Variants in NMD3 observed in about 807,000 individuals in gnomAD.
The protein encoded by NMD3 is NMD3 ribosome export adaptor, also known as 60S ribosomal export protein NMD3.
NMD3 carries 47 observed loss-of-function variants against 73.1 expected under a neutral mutation model. The ratio of observed to expected loss-of-function variants is 0.64; its 90% CI spans 0.51 to 0.82. The LOEUF (loss-of-function observed/expected upper bound fraction) is 0.82. NMD3 is among the 40% of genes least tolerant of loss of function. The pLI is 0.00. For missense variants in NMD3, 554 were observed against 612.5 expected (o/e 0.90, Z 1.01); for synonymous variants, 210 against 194.5 (o/e 1.08, Z -0.66).
intron 14 of NMD3, 58 bp from the exon 15 acceptor site, chr3:161,250,198 A>C: frequency 2.1e-6 from 2 of 974,608 alleles, no homozygotes; most frequent in Non-Finnish European, 3.2e-6. Flanking sequence ...GAAAGTCCTT[A>C]AATGAAGAAA....
At chr3:161,226,785 A>G (rs904319193) in intron 3 of NMD3, among the ~76,000 whole-genome samples, 1 of 152,212 alleles carries the variant, frequency 6.6e-6, no homozygotes, top group African/African-American at 2.4e-5. Flanking sequence ...TTTGAAAAGG[A>G]CTTGAAATGT....
At chr3:161,233,637 A>G (rs1485278185) in intron 5 of NMD3, among the ~76,000 whole-genome samples, 158 bp downstream of exon 5, 1 of 152,226 alleles carries the variant, frequency 6.6e-6, no homozygotes, top group Non-Finnish European at 1.5e-5. Flanking sequence ...AAATAATTAG[A>G]TCACTAGTAA....
intron 11 of NMD3, among the ~76,000 whole-genome samples, chr3:161,243,382 A>G (rs1449485190): frequency 6.6e-6 from 1 of 152,218 alleles, no homozygotes; most frequent in East Asian, 1.9e-4. Context: ...CTGTGGGCAG[A>G]TGAAAACTTT....
intron 4 of NMD3, among the ~76,000 whole-genome samples, chr3:161,230,507 G>A (rs1211998260): frequency 6.6e-6 from 1 of 152,172 alleles, no homozygotes; most frequent in Admixed American, 6.5e-5. Flanking sequence ...AGTACGGAGG[G>A]AAATTTTTGT....
intron 9 of NMD3, among the ~76,000 whole-genome samples, chr3:161,240,138 A>G (rs958689591): frequency 2.0e-5 from 3 of 152,248 alleles, no homozygotes; most frequent in African/African-American, 7.2e-5. Flanking sequence ...ATTAAAAACC[A>G]AGGACTGAAC....
intron 13 of NMD3, among the ~76,000 whole-genome samples, chr3:161,247,644 C>T (rs564103630): frequency 3.6e-4 from 55 of 151,726 alleles, no homozygotes; most frequent in African/African-American, 1.3e-3. Flanking sequence ...AAAAAATTAG[C>T]CAGGCGTGGT....
Position 161,250,881 on chromosome 3 carries a change from G to T in NMD3, c.1483G>T (p.Gly495Cys). ...EDLHISQDAT[G>C]EEGASMLT ...CCTTCATATTTCCCAAGATGCCACT[G>T]GTGAAGAAGGTGCATCAATGCTGAC... The change falls in exon 16 of 16, where the codon GGT becomes TGT. Residue 495 changes from glycine to cysteine, a missense_variant. Physicochemically the swap from Gly to Cys is radical, Grantham distance 159. Coordinates refer to ENST00000351193, the MANE Select transcript of NMD3 (RefSeq NM_015938.5). 2 of 1,612,120 alleles carry T rather than the reference G, an allele frequency of 1.2e-6. No homozygotes were observed. The highest frequency in any genetic ancestry group is 1.7e-6 in the Non-Finnish European group (2 of 1,178,572).
intron 4 of NMD3, among the ~76,000 whole-genome samples, chr3:161,230,022 G>T (rs1239024451): frequency 1.3e-5 from 2 of 152,162 alleles, no homozygotes; most frequent in Non-Finnish European, 2.9e-5. Flanking sequence ...CAGTTCTTTT[G>T]AGATTTGCTG....
rs751530899 is a variant in NMD3 at position 161,241,115 on chromosome 3, A to G, written c.823A>G (p.Ile275Val). The change falls in exon 10 of 16, where the codon ATT becomes GTT. Residue 275 changes from isoleucine (I) to valine (V), a missense_variant. Ile to Val is a conservative substitution (Grantham distance 29, BLOSUM62 3). Coordinates refer to ENST00000351193, the MANE Select transcript of NMD3 (RefSeq NM_015938.5). Reference protein sequence around the residue: ...LGNMNQICVCIRVTSAIHLID... With the variant: ...LGNMNQICVCVRVTSAIHLID... ...AAATATGAACCAGATTTGTGTGTGT[A>G]TTCGAGTAACCAGTGCCATTCACCT... 6 of 1,613,524 alleles carry G rather than the reference A, an allele frequency of 3.7e-6. No homozygotes were observed. The South Asian group carries it at 5.5e-5, about 15-fold the overall frequency.
chr3:161,233,060 C>T (rs1175224785), intron 4 of NMD3, among the ~76,000 whole-genome samples: 2 of 150,284 alleles, frequency 1.3e-5, no homozygotes, highest in African/African-American at 4.9e-5. Context: ...AATGAGGTCA[C>T]AAGGTCTTTG....
chr3:161,232,160 C>G (rs1736570640), intron 4 of NMD3, among the ~76,000 whole-genome samples: 1 of 136,322 alleles, frequency 7.3e-6, no homozygotes, highest in Admixed American at 7.6e-5. Flanking sequence ...TTTTTTTTAA[C>G]CACTGCTGAT....
chr3:161,249,802 G>C, intron 14 of NMD3: 1 of 504,874 alleles, frequency 2.0e-6, no homozygotes, highest in Non-Finnish European at 3.5e-6. Flanking sequence ...CAATTCATTT[G>C]AAAAGTTAAA....
chr3:161,235,053 T>C, intron 6 of NMD3, 69 bp from the exon 7 acceptor site: 1 of 863,620 alleles, frequency 1.2e-6, no homozygotes, highest in African/African-American at 1.7e-5. Context: ...CTGTAGATAG[T>C]ATGTGTGTCC....
At chr3:161,233,173 T>C (rs934262856) in intron 4 of NMD3, among the ~76,000 whole-genome samples, 6 of 152,160 alleles carry the variant, frequency 3.9e-5, no homozygotes, top group African/African-American at 1.2e-4. Context: ...TAATTTTTGC[T>C]TAAATTATAT....
At chr3:161,249,988 T>G (rs1190949793) in intron 14 of NMD3, among the ~76,000 whole-genome samples, 2 of 152,118 alleles carry the variant, frequency 1.3e-5, no homozygotes, top group Non-Finnish European at 2.9e-5. Flanking sequence ...AGGAAACAGC[T>G]CATTGATGCC....
chr3:161,242,786 A>T, intron 11 of NMD3, 133 bp downstream of exon 11: 1 of 675,442 alleles, frequency 1.5e-6, no homozygotes, highest in Non-Finnish European at 2.3e-6. Context: ...TAGGAAAAAA[A>T]TTCTTTTTTT....
intron 13 of NMD3, 113 bp from the exon 14 acceptor site, chr3:161,249,341 C>A: frequency 1.6e-6 from 1 of 641,158 alleles, no homozygotes; most frequent in Non-Finnish European, 2.7e-6. Context: ...CTTCTCCTTT[C>A]TCCTGAGGTG....
In NMD3 at chr3:161,227,293, A is replaced by G; in HGVS notation, c.226A>G (p.Arg76Gly). ...TTGGATACAGTGTGCTTTAGAATCC[A>G]GGGAACTTCTTGCTTTGTGCTTGAA... is the stretch of plus-strand genomic sequence containing the variant. ...GTWIQCALESRELLALCLKKI... is the reference protein window; with the variant it reads ...GTWIQCALESGELLALCLKKI... Residue 76 changes from arginine (R) to glycine (G), a missense_variant, in exon 4 of 16, where the codon AGG becomes GGG. By Grantham distance (125) the Arg-to-Gly change is moderately radical. Transcript: ENST00000351193. 1 of 1,613,516 alleles carries G rather than the reference A, an allele frequency of 6.2e-7. No homozygotes were observed. Among genetic ancestry groups the G allele is most frequent in the Non-Finnish European group, 8.5e-7 (1 of 1,179,696 alleles).
At chr3:161,228,667 T>A (rs1736421243) in intron 4 of NMD3, among the ~76,000 whole-genome samples, 1 of 152,156 alleles carries the variant, frequency 6.6e-6, no homozygotes, top group African/African-American at 2.4e-5. Flanking sequence ...AACAGTTCAT[T>A]AATTAATTCA....
Sources: gnomAD v4.1 joint callset for allele counts (sites outside exome capture counted in the v4.1 genomes callset) on GRCh38, gnomAD v4.1.1 for gene constraint, MANE v1.5 for transcripts, NCBI Gene and HGNC (gene_info 2026-07-23, HGNC 2026-07-21) for gene names.